EFHD2: variants seen among roughly 807,000 people sequenced by gnomAD.
EFHD2 encodes EF-hand domain-containing protein D2.
Under a neutral mutation model 20.3 loss-of-function variants are expected in EFHD2, and 12 were observed. The observed-to-expected ratio is 0.59, with a 90% CI of 0.38 to 0.96. The LOEUF is 0.96. Ranked by LOEUF, EFHD2 falls within the 40% of genes least tolerant of loss-of-function variation. The pLI, the probability that EFHD2 is intolerant of heterozygous loss-of-function variation, is 0.00. For missense variants in EFHD2, 250 were observed against 334.3 expected, an observed-to-expected ratio of 0.75 and a Z score of 1.97; for synonymous variants, 131 against 143.9, an observed-to-expected ratio of 0.91 and a Z score of 0.64.
intron 1 of EFHD2, among the ~76,000 whole-genome samples, chr1:15,422,612 A>G (rs111406982): frequency 0.036 from 5,405 of 151,910 alleles, 314 homozygotes; most frequent in African/African-American, 0.12. Context: ...CTGTAATCTC[A>G]GCACTTTGGG....
chr1:15,429,078 C>A lies in EFHD2; in HGVS notation c.*354C>A. 1 of 282,252 alleles carries A rather than the reference C, an allele frequency of 3.5e-6. No homozygotes were observed. Among genetic ancestry groups the A allele is most frequent in the Non-Finnish European group, 7.0e-6 (1 of 142,858 alleles). The allele number at this position is 282,252 out of a possible 1,614,324, so 17.5% of individuals were successfully genotyped here. ...CAGCCCCATGTGCCTGCCGCCTGCC[C>A]TCCACACATCCCTGTCCCCCCAACC... On this transcript the variant is annotated 3_prime_UTR_variant, in exon 4 of 4. Coordinates refer to ENST00000375980, the MANE Select transcript of EFHD2 (RefSeq NM_024329.6).
chr1:15,418,490 A>G (rs1443067811), intron 1 of EFHD2, among the ~76,000 whole-genome samples: 6 of 151,012 alleles, frequency 4.0e-5, no homozygotes, highest in African/African-American at 1.5e-4. Context: ...TATTTTTAGT[A>G]GAGACGGGGT....
rs1298340358 is a variant in EFHD2, at chr1:15,410,420, G to T, written c.308+141G>T. The T allele has an allele frequency of 7.4e-6, 8 of 1,087,780 alleles. No homozygotes were observed. In the East Asian group the frequency reaches 2.4e-4, roughly 33 times the overall value. 67.4% of individuals were successfully genotyped at this position (1,087,780 alleles called of 1,614,324 possible). ...CCGAACCCAGACGCACCGGGGTTGGGGACCCGGCGGCCCCTTCCAGATCGA... is the reference window on the plus strand; with the variant it reads ...CCGAACCCAGACGCACCGGGGTTGGTGACCCGGCGGCCCCTTCCAGATCGA... On this transcript the variant is annotated intron_variant, in intron 1 of 3. Transcript: ENST00000375980.
At position 15,410,339 on chromosome 1, in the gene EFHD2, C is replaced by A. The variant is rs1382255187; in HGVS notation, c.308+60C>A. ...CCGCGACCCGGTCTCGGGCCCCGAA[C>A]CCCCCGATCCCCGGATCCCGCTCCG... On this transcript the variant is annotated intron_variant, in intron 1 of 3. Transcript: ENST00000375980. 8 of 1,474,606 alleles carry A rather than the reference C, an allele frequency of 5.4e-6. No homozygotes were observed. The Admixed American group carries it at 7.3e-5, about 14-fold the overall frequency. 91.3% of individuals were successfully genotyped at this position (1,474,606 alleles called of 1,614,324 possible). A position where few individuals can be genotyped will look rare whatever the true frequency, so the allele number is the denominator to read the frequency against.
Position 15,430,087 on chromosome 1 carries a change from T to C in EFHD2, c.*1363T>C, listed in dbSNP as rs1436339180. On this transcript the variant is annotated 3_prime_UTR_variant, in exon 4 of 4. Coordinates refer to ENST00000375980, the MANE Select transcript of EFHD2 (RefSeq NM_024329.6). ...GCGGACTTGCAGAGGTTTTATTTTT[T>C]GGCCTTAGAATCTGCAGAAATTAGG... 3 of 152,706 alleles carry C rather than the reference T, an allele frequency of 2.0e-5. No homozygotes were observed. The highest frequency in any genetic ancestry group is 4.4e-5 in the Non-Finnish European group (3 of 68,060). The allele number at this position is 152,706 out of a possible 1,614,324, so 9.5% of individuals were successfully genotyped here.
chr1:15,415,575 G>A (rs943785247), intron 1 of EFHD2, among the ~76,000 whole-genome samples: 1 of 149,946 alleles, frequency 6.7e-6, no homozygotes, highest in South Asian at 2.1e-4. Flanking sequence ...TGCAGCCTTC[G>A]TCTCCTGGGT....
At chr1:15,419,591 C>T (rs1707753350) in intron 1 of EFHD2, among the ~76,000 whole-genome samples, 1 of 152,210 alleles carries the variant, frequency 6.6e-6, no homozygotes, top group Non-Finnish European at 1.5e-5. Context: ...GGCTGTGTGA[C>T]CCTGGGCCAG....
At chr1:15,419,167 T>C (rs1023960834) in intron 1 of EFHD2, among the ~76,000 whole-genome samples, 3 of 152,160 alleles carry the variant, frequency 2.0e-5, no homozygotes, top group South Asian at 2.1e-4. Context: ...AGCAACCAGC[T>C]GGGGACCATG....
chr1:15,410,070 A>C lies in EFHD2; in HGVS notation c.99A>C (p.Ala33=), dbSNP rs1707435784. ...CGGAGCAGCCCGGGCTGAACGGGGCAGCGGCGGCGGCGGCGGGGGCACCCG... is the reference window on the plus strand; with the variant it reads ...CGGAGCAGCCCGGGCTGAACGGGGCCGCGGCGGCGGCGGCGGGGGCACCCG... ...ETPEQPGLNG[A]AAAAAGAPDE... Residue 33 remains alanine, a synonymous_variant, in exon 1 of 4, where the codon GCA becomes GCC. Transcript: ENST00000375980. 1 of 1,377,258 alleles carries C rather than the reference A, an allele frequency of 7.3e-7. No individual in the cohort carries two copies. The highest frequency in any genetic ancestry group is 9.3e-7 in the Non-Finnish European group (1 of 1,069,998). The allele number at this position is 1,377,258 out of a possible 1,614,324, so 85.3% of individuals were successfully genotyped here. A position where few individuals can be genotyped will look rare whatever the true frequency, so the allele number is the denominator to read the frequency against.
At position 15,428,970 on chromosome 1, in the gene EFHD2, T is replaced by C. The variant is rs541704638; in HGVS notation, c.*246T>C. 1.9e-6 allele frequency: 1 copy of C among 513,570 alleles called. No homozygotes were observed. Among genetic ancestry groups the C allele is most frequent in the African/African-American group, 2.0e-5 (1 of 51,222 alleles). 31.8% of individuals were successfully genotyped at this position (513,570 alleles called of 1,614,324 possible). Reference sequence around the variant, plus strand: ...TGCCCGGCCCGGCCCTCCCTGGCAATCCCTGGGCTCTCTTGCACCCCTAAC... The same window carrying C: ...TGCCCGGCCCGGCCCTCCCTGGCAACCCCTGGGCTCTCTTGCACCCCTAAC... On this transcript the variant is annotated 3_prime_UTR_variant, in exon 4 of 4. Transcript: ENST00000375980.
At chr1:15,418,911 C>T (rs966740382) in intron 1 of EFHD2, among the ~76,000 whole-genome samples, 2 of 152,266 alleles carry the variant, frequency 1.3e-5, no homozygotes, top group African/African-American at 4.8e-5. Context: ...GAGCCTCAGT[C>T]TCCTTGTCGG....
intron 1 of EFHD2, among the ~76,000 whole-genome samples, chr1:15,416,814 A>G (rs922640657): frequency 4.9e-4 from 75 of 151,652 alleles, no homozygotes; most frequent in Admixed American, 4.9e-3. Flanking sequence ...TGTAATCTGC[A>G]ATTTTTTTTT....
Position 15,425,784 on chromosome 1 carries a change from C to A in EFHD2, c.309-87C>A. 5 of 1,530,556 alleles carry A rather than the reference C, an allele frequency of 3.3e-6. No homozygotes were observed. The South Asian group carries it at 6.3e-5, about 19-fold the overall frequency. The allele number at this position is 1,530,556 out of a possible 1,614,324, so 94.8% of individuals were successfully genotyped here. Reference sequence around the variant, plus strand: ...GATTTTATGGTTGGTAGGAGATGCCCTCTGATCCCCCAGTCTCCTTGCACT... The same window carrying A: ...GATTTTATGGTTGGTAGGAGATGCCATCTGATCCCCCAGTCTCCTTGCACT... On this transcript the variant is annotated intron_variant, in intron 1 of 3. Coordinates refer to ENST00000375980, the MANE Select transcript of EFHD2 (RefSeq NM_024329.6).
chr1:15,425,592 C>T (rs954862640), intron 1 of EFHD2, among the ~76,000 whole-genome samples: 1 of 152,090 alleles, frequency 6.6e-6, no homozygotes, highest in Non-Finnish European at 1.5e-5. Flanking sequence ...CGGAGCCTGT[C>T]ATTTCAGCTT....
chr1:15,421,649 A>C (rs1281809971), intron 1 of EFHD2, among the ~76,000 whole-genome samples: 1 of 152,166 alleles, frequency 6.6e-6, no homozygotes, highest in African/African-American at 2.4e-5. Flanking sequence ...AAGTTTGGAC[A>C]CTTTATCTGC....
In EFHD2 at chr1:15,411,444, C is replaced by T. The variant is rs114781267; in HGVS notation, c.308+1165C>T. On this transcript the variant is annotated intron_variant, in intron 1 of 3. Coordinates refer to ENST00000375980, the MANE Select transcript of EFHD2 (RefSeq NM_024329.6). ...TAGGGAGAGAGGGCCCAGCTCCCTCCGGCCCATCCCTGGGTCCCACTCTGT... is the reference window on the plus strand; with the variant it reads ...TAGGGAGAGAGGGCCCAGCTCCCTCTGGCCCATCCCTGGGTCCCACTCTGT... Among the ~76,000 whole-genome samples the T allele has an allele frequency of 9.2e-3, 1,407 of 152,276 alleles. 17 individuals carry two copies. The highest frequency in any genetic ancestry group is 0.031 in the African/African-American group (1,287 of 41,564).
At chr1:15,414,456 G>A (rs773687692) in intron 1 of EFHD2, among the ~76,000 whole-genome samples, 3 of 152,252 alleles carry the variant, frequency 2.0e-5, no homozygotes, top group Non-Finnish European at 4.4e-5. Context: ...CTGGAACAGC[G>A]GGGACAGGGG....
At chr1:15,422,947 C>CCTT (rs147924486) in intron 1 of EFHD2, among the ~76,000 whole-genome samples, 6,301 of 152,214 alleles carry the variant, frequency 0.041, 441 homozygotes, top group African/African-American at 0.14. Flanking sequence ...TCATCGCTGA[C>CCTT]CTTGGGAGCC....
At chr1:15,410,557 G>A (rs1707466532) in intron 1 of EFHD2, among the ~76,000 whole-genome samples, 1 of 152,088 alleles carries the variant, frequency 6.6e-6, no homozygotes, top group Non-Finnish European at 1.5e-5. Flanking sequence ...CCACAGAGTG[G>A]GGGACCCCAG....
Sources: gnomAD v4.1 joint callset for allele counts (sites outside exome capture counted in the v4.1 genomes callset) on GRCh38, gnomAD v4.1.1 for gene constraint, MANE v1.5 for transcripts, NCBI Gene and HGNC (gene_info 2026-07-23, HGNC 2026-07-21) for gene names.